The following PROX1 variants were observed in gnomAD, a reference collection of about 807,000 sequenced individuals.
The protein encoded by PROX1 is prospero homeobox 1.
In PROX1, 7 loss-of-function variants were observed where a neutral mutation model predicts 58.8. The ratio of observed to expected loss-of-function variants is 0.12; its 90% CI spans 0.07 to 0.22. The LOEUF (loss-of-function observed/expected upper bound fraction) is 0.22. Ranked by LOEUF, PROX1 falls within the 10% of genes least tolerant of loss-of-function variation. PROX1 has a pLI of 1.00. For synonymous variants in PROX1, 350 were observed against 358.3 expected, an observed-to-expected ratio of 0.98 and a Z score of 0.26; for missense variants, 675 against 927.8, an observed-to-expected ratio of 0.73 and a Z score of 3.54.
At chr1:213,989,859 CAG>C (rs1662959321) in intron 1 of PROX1, 1 of 152,368 alleles carries the variant, frequency 6.6e-6, no homozygotes, top group Non-Finnish European at 1.5e-5. Context: ...TCCAGGCAGA[CAG>C]AGAACAGAAC....
Position 214,031,747 on chromosome 1 carries a change from C to T in PROX1, c.2029-3902C>T, listed in dbSNP as rs953246364. On this transcript the variant is annotated intron_variant, in intron 4 of 4. Coordinates refer to ENST00000366958, the MANE Select transcript of PROX1 (RefSeq NM_001270616.2). ...ATAAGACTGGTTTCTAAGATGCTCC[C>T]ACAAAACATCAGAAAGTACCCCCTA... Among the ~76,000 whole-genome samples, 11 of 152,124 alleles carry T rather than the reference C, an allele frequency of 7.2e-5. 1 individual carries two copies. Among genetic ancestry groups the T allele is most frequent in the Admixed American group, 7.2e-4 (11 of 15,270 alleles).
At chr1:214,014,423 G>A (rs1000884483) in intron 4 of PROX1, among the ~76,000 whole-genome samples, 5 of 152,330 alleles carry the variant, frequency 3.3e-5, no homozygotes, top group Admixed American at 2.6e-4. Context: ...AGATCCAGTC[G>A]ATTCCAAGGA....
intron 4 of PROX1, among the ~76,000 whole-genome samples, chr1:214,016,607 T>C (rs563376682): frequency 6.6e-4 from 100 of 152,346 alleles, no homozygotes; most frequent in African/African-American, 2.3e-3. Context: ...ACAAGCCAAA[T>C]TGATCTTTTA....
At chr1:214,009,232 G>T (rs935281475) in intron 3 of PROX1, among the ~76,000 whole-genome samples, 1 of 152,160 alleles carries the variant, frequency 6.6e-6, no homozygotes, top group African/African-American at 2.4e-5. Context: ...CCATATTGAG[G>T]CTGAGATGTC....
chr1:214,013,377 G>T (rs559102350), intron 4 of PROX1, among the ~76,000 whole-genome samples: 1 of 152,216 alleles, frequency 6.6e-6, no homozygotes, highest in South Asian at 2.1e-4. Context: ...TTTCTGCTAA[G>T]CCTGTTGCCC....
At chr1:214,034,118 G>A (rs1446460628) in intron 4 of PROX1, among the ~76,000 whole-genome samples, 1 of 152,150 alleles carries the variant, frequency 6.6e-6, no homozygotes. Context: ...TTTCTGCAGA[G>A]TTATTACATT....
In PROX1 at chr1:213,998,065, C is replaced by T. The variant is rs1663349773; in HGVS notation, c.1530C>T (p.Ala510=). The change falls in exon 2 of 5, where the codon GCC becomes GCT. Residue 510 remains alanine, a synonymous_variant. Transcript: ENST00000366958. ...GCTCCTTCTCTGGAAAAGACAGAGCCTCTCCTGAATCCTTAGACTTAACTA... is the reference window on the plus strand; with the variant it reads ...GCTCCTTCTCTGGAAAAGACAGAGCTTCTCCTGAATCCTTAGACTTAACTA... ...PSGSFSGKDR[A]SPESLDLTRD... is the part of the protein sequence containing the mutation. 1.2e-6 allele frequency: 2 copies of T among 1,613,172 alleles called. No individual in the cohort carries two copies. Among genetic ancestry groups the T allele is most frequent in the African/African-American group, 2.7e-5 (2 of 74,900 alleles).
intron 4 of PROX1, among the ~76,000 whole-genome samples, chr1:214,034,246 T>C (rs948370984): frequency 3.3e-5 from 5 of 152,204 alleles, no homozygotes; most frequent in Admixed American, 6.5e-5. Context: ...GTTACTACTA[T>C]TGTTAAAAAG....
chr1:214,000,336 G>A (rs942152023), intron 2 of PROX1, among the ~76,000 whole-genome samples: 8 of 152,204 alleles, frequency 5.3e-5, no homozygotes, highest in East Asian at 1.9e-4. Flanking sequence ...CCAAATCCCC[G>A]GAGGAATTTT....
rs77186410 is a variant in PROX1, at chr1:213,992,093, T to A, written c.-68+3610T>A. Among the ~76,000 whole-genome samples the A allele has an allele frequency of 8.9e-4, 136 of 152,348 alleles. 1 individual carries two copies. Among genetic ancestry groups the A allele is most frequent in the African/African-American group, 3.2e-3 (134 of 41,592 alleles). On this transcript the variant is annotated intron_variant, in intron 1 of 4. Coordinates refer to ENST00000366958, the MANE Select transcript of PROX1 (RefSeq NM_001270616.2). ...CACTCTGTCTTATTTACCTATCTGA[T>A]AAGTTGTTACTTTTTAAACAAGTAG... is the stretch of plus-strand genomic sequence containing the variant.
chr1:214,003,477 C>T (rs560244834), intron 2 of PROX1, among the ~76,000 whole-genome samples: 17 of 152,280 alleles, frequency 1.1e-4, no homozygotes, highest in Non-Finnish European at 2.2e-4. Flanking sequence ...TACTGGAGGG[C>T]CTTTCAGCCC....
At chr1:214,022,132 T>C (rs1664300551) in intron 4 of PROX1, among the ~76,000 whole-genome samples, 1 of 152,214 alleles carries the variant, frequency 6.6e-6, no homozygotes, top group African/African-American at 2.4e-5. Context: ...TCAATACCGT[T>C]GTAGGACTTA....
intron 4 of PROX1, 34 bp downstream of exon 4, chr1:214,011,749 C>T (rs1663915454): frequency 6.6e-7 from 1 of 1,504,736 alleles, no homozygotes; most frequent in Non-Finnish European, 8.9e-7. Context: ...GGTCATCTCC[C>T]TTTTCCTTTT....
chr1:214,009,867 A>C (rs948992855), intron 3 of PROX1, among the ~76,000 whole-genome samples: 1 of 152,082 alleles, frequency 6.6e-6, no homozygotes, highest in African/African-American at 2.4e-5. Flanking sequence ...ATCATTTTGT[A>C]ATGTTTTGTT....
intron 4 of PROX1, among the ~76,000 whole-genome samples, chr1:214,026,176 A>G (rs1664452100): frequency 6.6e-6 from 1 of 152,190 alleles, no homozygotes; most frequent in Non-Finnish European, 1.5e-5. Flanking sequence ...TAAACTTGGA[A>G]TCACTTTTTA....
At chr1:214,030,271 C>T (rs1317970364) in intron 4 of PROX1, 6 of 152,174 alleles carry the variant, frequency 3.9e-5, no homozygotes, top group African/African-American at 1.2e-4. Context: ...CTTTCCCATT[C>T]GCTAGCCATG....
At chr1:214,023,250 G>A (rs1414235368) in intron 4 of PROX1, among the ~76,000 whole-genome samples, 1 of 152,130 alleles carries the variant, frequency 6.6e-6, no homozygotes, top group Non-Finnish European at 1.5e-5. Context: ...ATTCCATGCA[G>A]GCCTCAACAC....
At chr1:214,031,730 G>C (rs968854421) in intron 4 of PROX1, among the ~76,000 whole-genome samples, 3 of 152,096 alleles carry the variant, frequency 2.0e-5, no homozygotes, top group Non-Finnish European at 4.4e-5. Context: ...TGATAAGACT[G>C]GTTTCTAAGA....
At chr1:213,989,232 C>A (rs1419260177) in intron 1 of PROX1, among the ~76,000 whole-genome samples, 1 of 151,864 alleles carries the variant, frequency 6.6e-6, no homozygotes, top group Non-Finnish European at 1.5e-5. Flanking sequence ...TGGAGGGGAG[C>A]GGTGATGGGT....
Sources: gnomAD v4.1 joint callset for allele counts (sites outside exome capture counted in the v4.1 genomes callset) on GRCh38, gnomAD v4.1.1 for gene constraint, MANE v1.5 for transcripts, NCBI Gene and HGNC (gene_info 2026-07-23, HGNC 2026-07-21) for gene names.